LRRC75A: variants seen among roughly 807,000 people sequenced by gnomAD.
LRRC75A encodes the protein leucine-rich repeat-containing protein 75A.
Under a neutral mutation model 26.0 loss-of-function variants are expected in LRRC75A, and 12 were observed. The observed-to-expected ratio is 0.46, with a 90% confidence interval of 0.30 to 0.75. The LOEUF (loss-of-function observed/expected upper bound fraction) is 0.75. Among genes scored for constraint, LRRC75A ranks in the 30% least tolerant of loss-of-function variants. The pLI, the probability that LRRC75A is intolerant of heterozygous loss-of-function variation, is 0.08. For missense variants in LRRC75A, 410 were observed against 486.6 expected (o/e 0.84, Z 1.48); for synonymous variants, 223 against 219.3 (o/e 1.02, Z -0.15).
chr17:16,484,712 G>T (rs564648846), intron 1 of LRRC75A, among the ~76,000 whole-genome samples: 5 of 152,244 alleles, frequency 3.3e-5, no homozygotes, highest in African/African-American at 9.6e-5. Context: ...ACAAAGAAAA[G>T]CTGCAGGGAG....
chr17:16,473,148 T>C (rs902301553), intron 1 of LRRC75A, among the ~76,000 whole-genome samples: 2 of 151,498 alleles, frequency 1.3e-5, no homozygotes, highest in African/African-American at 4.9e-5. Context: ...TGTGTGTGTG[T>C]GTGCGCGCGC....
chr17:16,474,428 T>C (rs532217463), intron 1 of LRRC75A, among the ~76,000 whole-genome samples: 2 of 152,306 alleles, frequency 1.3e-5, no homozygotes, highest in African/African-American at 2.4e-5. Flanking sequence ...ATTTGCAGTA[T>C]TTCCCAGATT....
intron 2 of LRRC75A, among the ~76,000 whole-genome samples, chr17:16,449,495 A>T (rs916763912): frequency 3.3e-5 from 5 of 152,216 alleles, no homozygotes; most frequent in African/African-American, 9.7e-5. Flanking sequence ...ACCCACAGCA[A>T]GCTCTCCAGG....
rs2093533922 is a variant in LRRC75A, at chr17:16,442,160, A to T, written c.*1428T>A. The T allele has an allele frequency of 1.3e-5, 2 of 152,396 alleles. No homozygotes were observed. Among genetic ancestry groups the T allele is most frequent in the South Asian group, 2.1e-4 (1 of 4,830 alleles). The allele number at this position is 152,396 out of a possible 1,614,324, so 9.4% of individuals were successfully genotyped here. Reference sequence around the variant, plus strand: ...CCCCCTATTCTACAGCTTTAGACTGAAGGCAAAAGCTCAAAGCATTTAAGG... The same window carrying T: ...CCCCCTATTCTACAGCTTTAGACTGTAGGCAAAAGCTCAAAGCATTTAAGG... On this transcript the variant is annotated 3_prime_UTR_variant, in exon 4 of 4. Coordinates refer to ENST00000470794, the MANE Select transcript of LRRC75A (RefSeq NM_001113567.3).
At chr17:16,485,679 T>TGTGTGC (rs2093845298) in intron 1 of LRRC75A, among the ~76,000 whole-genome samples, 1 of 138,328 alleles carries the variant, frequency 7.2e-6, no homozygotes, top group Non-Finnish European at 1.6e-5. Flanking sequence ...TTCGTGTGTG[T>TGTGTGC]GTGTGTGTGT....
chr17:16,464,466 C>T (rs1011513582), intron 1 of LRRC75A, among the ~76,000 whole-genome samples: 1 of 152,230 alleles, frequency 6.6e-6, no homozygotes, highest in Non-Finnish European at 1.5e-5. Flanking sequence ...AAAACGGGGA[C>T]AGTGACCCCA....
chr17:16,476,962 TCTC>T (rs1215095668), intron 1 of LRRC75A, among the ~76,000 whole-genome samples: 1 of 151,554 alleles, frequency 6.6e-6, no homozygotes, highest in African/African-American at 2.4e-5. Flanking sequence ...ATGGTCTCAA[TCTC>T]CTGACCTTGT....
At chr17:16,480,643 C>A (rs11078346) in intron 1 of LRRC75A, among the ~76,000 whole-genome samples, 38,158 of 134,362 alleles carry the variant, frequency 0.28, 6,209 homozygotes, top group African/African-American at 0.47. Context: ...AAAAAAAAAA[C>A]AAAAAAAAAA....
At chr17:16,476,996 C>CCCA in intron 1 of LRRC75A, among the ~76,000 whole-genome samples, 1 of 152,034 alleles carries the variant, frequency 6.6e-6, no homozygotes, top group Non-Finnish European at 1.5e-5. Flanking sequence ...CCTTGGCCTC[C>CCCA]CAAAGTGCTG....
chr17:16,454,830 G>A lies in LRRC75A; in HGVS notation c.376-6870C>T, dbSNP rs35474528. Reference sequence around the variant, plus strand: ...AAGAGATGGGGGTCTCACTATATTGGCCTTGCTGGTATTGAATTCCTGGAC... The same window carrying A: ...AAGAGATGGGGGTCTCACTATATTGACCTTGCTGGTATTGAATTCCTGGAC... On this transcript the variant is annotated intron_variant, in intron 2 of 3. Coordinates refer to ENST00000470794, the MANE Select transcript of LRRC75A (RefSeq NM_001113567.3). Among the ~76,000 whole-genome samples, 198 of 151,872 alleles carry A rather than the reference G, an allele frequency of 1.3e-3. 1 individual carries two copies. Among genetic ancestry groups the A allele is most frequent in the African/African-American group, 4.6e-3 (191 of 41,434 alleles).
At position 16,443,798 on chromosome 17, in the gene LRRC75A, G is replaced by A. The variant is rs1385069567; in HGVS notation, c.825C>T (p.Phe275=). The change falls in exon 4 of 4, where the codon TTC becomes TTT. Residue 275 remains phenylalanine, a synonymous_variant. Transcript: ENST00000470794. ...TGAGCAGGAAGGGCTGGGGCAAGGAGAAGATGTCCACGTTGTTGCCCAGGT... is the reference window on the plus strand; with the variant it reads ...TGAGCAGGAAGGGCTGGGGCAAGGAAAAGATGTCCACGTTGTTGCCCAGGT... ...WIDLGNNVDI[F]SLPQPFLLSL... 5 of 1,613,792 alleles carry A rather than the reference G, an allele frequency of 3.1e-6. No homozygotes were observed. The highest frequency in any genetic ancestry group is 4.2e-6 in the Non-Finnish European group (5 of 1,179,780).
intron 2 of LRRC75A, among the ~76,000 whole-genome samples, chr17:16,453,118 A>G (rs78580958): frequency 0.22 from 34,045 of 151,882 alleles, 4,080 homozygotes; most frequent in Middle Eastern, 0.31. Flanking sequence ...GTGAAACCCC[A>G]TCTCTACTAA....
intron 2 of LRRC75A, among the ~76,000 whole-genome samples, chr17:16,456,257 A>G (rs2093680540): frequency 7.4e-6 from 1 of 135,048 alleles, no homozygotes; most frequent in Non-Finnish European, 1.6e-5. Context: ...AAGGAAGAGG[A>G]TCAGGAAGAG....
intron 1 of LRRC75A, among the ~76,000 whole-genome samples, chr17:16,464,744 G>A (rs1481927627): frequency 6.6e-6 from 1 of 152,258 alleles, no homozygotes; most frequent in Non-Finnish European, 1.5e-5. Context: ...TGGCCTCATG[G>A]TCAGGAGGGT....
intron 2 of LRRC75A, among the ~76,000 whole-genome samples, chr17:16,451,411 A>G (rs1447313951): frequency 6.6e-6 from 1 of 152,128 alleles, no homozygotes; most frequent in Non-Finnish European, 1.5e-5. Context: ...ACCTGAGGTC[A>G]GGAGTTCGAG....
chr17:16,474,628 C>T (rs1186677082), intron 1 of LRRC75A, among the ~76,000 whole-genome samples: 1 of 152,178 alleles, frequency 6.6e-6, no homozygotes. Flanking sequence ...GTTGTTTATA[C>T]CTTCTGGCAA....
At chr17:16,461,668 T>C (rs1354494550) in intron 2 of LRRC75A, among the ~76,000 whole-genome samples, 2 of 152,186 alleles carry the variant, frequency 1.3e-5, no homozygotes, top group African/African-American at 2.4e-5. Context: ...GGTGAAGACA[T>C]CTGGGAGTGG....
chr17:16,489,058 A>G (rs2093852318), intron 1 of LRRC75A, among the ~76,000 whole-genome samples: 2 of 152,098 alleles, frequency 1.3e-5, no homozygotes, highest in South Asian at 4.2e-4. Flanking sequence ...AACCCTCCGA[A>G]ATTGCCTGTG....
intron 1 of LRRC75A, among the ~76,000 whole-genome samples, chr17:16,481,551 G>A (rs942250278): frequency 6.6e-6 from 1 of 152,160 alleles, no homozygotes; most frequent in African/African-American, 2.4e-5. Context: ...GGAATGCAGA[G>A]CTTCAATCTT....
Sources: allele counts gnomAD v4.1 joint callset (sites outside exome capture counted in the v4.1 genomes callset), GRCh38; gene constraint gnomAD v4.1.1; transcripts MANE v1.5; gene names NCBI Gene and HGNC (gene_info 2026-07-23, HGNC 2026-07-21).